Variants in SLC41A2 observed in about 807,000 individuals in gnomAD.
The protein encoded by SLC41A2 is solute carrier family 41 member 2, also known as SLC41A1-like 1.
A neutral mutation model predicts 58.3 loss-of-function variants in SLC41A2; 32 were observed. The ratio of observed to expected loss-of-function variants is 0.55; its 90% CI spans 0.41 to 0.74. The LOEUF (loss-of-function observed/expected upper bound fraction) is 0.74, where lower values mean the gene tolerates loss of function less well. Ranked by LOEUF, SLC41A2 falls within the 30% of genes least tolerant of loss-of-function variation. The pLI is 0.00. For missense variants in SLC41A2, 514 were observed against 680.6 expected (o/e 0.76, Z 2.72); for synonymous variants, 190 against 235.0 (o/e 0.81, Z 1.75).
intron 1 of SLC41A2, among the ~76,000 whole-genome samples, chr12:104,929,563 C>G (rs1017199803): frequency 6.6e-6 from 1 of 152,210 alleles, no homozygotes; most frequent in Admixed American, 6.5e-5. Context: ...GAGACACAAA[C>G]ACATAACTGT....
chr12:104,871,392 T>C (rs1201061858), intron 6 of SLC41A2, among the ~76,000 whole-genome samples: 4 of 152,188 alleles, frequency 2.6e-5, no homozygotes, highest in African/African-American at 9.6e-5. Flanking sequence ...ATCTTGTTAA[T>C]AGCTTTTAAA....
At chr12:104,825,567 C>G (rs1180584888) in intron 10 of SLC41A2, among the ~76,000 whole-genome samples, 2 of 152,200 alleles carry the variant, frequency 1.3e-5, no homozygotes, top group Non-Finnish European at 2.9e-5. Context: ...AGGGCTCCCC[C>G]TCCCAACTCT....
chr12:104,806,455 A>C (rs1321945928), intron 10 of SLC41A2, among the ~76,000 whole-genome samples: 1 of 152,132 alleles, frequency 6.6e-6, no homozygotes, highest in Admixed American at 6.5e-5. Flanking sequence ...TTCTTAATCC[A>C]GTCTATCATT....
intron 10 of SLC41A2, among the ~76,000 whole-genome samples, chr12:104,806,774 T>A (rs9668773): frequency 6.6e-6 from 1 of 151,828 alleles, no homozygotes; most frequent in African/African-American, 2.4e-5. Context: ...GTGTGAGATG[T>A]TATCTCATTG....
intron 6 of SLC41A2, among the ~76,000 whole-genome samples, chr12:104,880,634 G>A (rs1226164658): frequency 6.6e-6 from 1 of 152,202 alleles, no homozygotes; most frequent in African/African-American, 2.4e-5. Flanking sequence ...ATTTGCATAT[G>A]TTGAACCAGC....
chr12:104,839,548 G>T (rs1373461689), intron 10 of SLC41A2, among the ~76,000 whole-genome samples: 2 of 149,226 alleles, frequency 1.3e-5, no homozygotes, highest in Non-Finnish European at 3.0e-5. Flanking sequence ...CTGTCACCCA[G>T]GCTGGAGTGC....
At chr12:104,851,510 C>A (rs2042798292) in intron 8 of SLC41A2, among the ~76,000 whole-genome samples, 1 of 151,934 alleles carries the variant, frequency 6.6e-6, no homozygotes, top group South Asian at 2.1e-4. Flanking sequence ...TAGCCGCTTG[C>A]GTAGCTGGGA....
At chr12:104,817,390 T>C (rs2041454899) in intron 10 of SLC41A2, among the ~76,000 whole-genome samples, 1 of 152,226 alleles carries the variant, frequency 6.6e-6, no homozygotes, top group Non-Finnish European at 1.5e-5. Flanking sequence ...TAGGCTACAC[T>C]AAACATATAA....
chr12:104,931,278 T>C (rs745800254), intron 1 of SLC41A2, among the ~76,000 whole-genome samples: 1 of 152,264 alleles, frequency 6.6e-6, no homozygotes, highest in Non-Finnish European at 1.5e-5. Context: ...CCAATTCCTT[T>C]AGCTAATGGT....
At chr12:104,819,552 A>C (rs2041545624) in intron 10 of SLC41A2, among the ~76,000 whole-genome samples, 2 of 152,252 alleles carry the variant, frequency 1.3e-5, no homozygotes. Flanking sequence ...TCCTCTGAAA[A>C]GGCAAATAAG....
chr12:104,824,325 C>T (rs985525013), intron 10 of SLC41A2, among the ~76,000 whole-genome samples: 2 of 151,746 alleles, frequency 1.3e-5, no homozygotes, highest in East Asian at 1.9e-4. Flanking sequence ...AACATATGGG[C>T]GGCTGAACAT....
chr12:104,907,206 CTTTT>C (rs10714684), intron 3 of SLC41A2, among the ~76,000 whole-genome samples: 1 of 126,792 alleles, frequency 7.9e-6, no homozygotes, highest in African/African-American at 2.9e-5. Context: ...ATGTCCCCAT[CTTTT>C]TTTTTTTTTT....
chr12:104,935,840 TGAG>T, intron 1 of SLC41A2, among the ~76,000 whole-genome samples: 1 of 152,226 alleles, frequency 6.6e-6, no homozygotes, highest in African/African-American at 2.4e-5. Context: ...GCCAGGAGTT[TGAG>T]ACCAGCCTGG....
chr12:104,834,942 G>A (rs1447768391), intron 10 of SLC41A2, among the ~76,000 whole-genome samples: 1 of 152,092 alleles, frequency 6.6e-6, no homozygotes, highest in African/African-American at 2.4e-5. Flanking sequence ...TGACTCCAAG[G>A]AATGGAGTAA....
chr12:104,861,052 ACT>A, intron 8 of SLC41A2, among the ~76,000 whole-genome samples: 1 of 152,014 alleles, frequency 6.6e-6, no homozygotes, highest in Admixed American at 6.6e-5. Context: ...GGTATACCTG[ACT>A]CTCAAACTAG....
At chr12:104,873,358 G>A (rs73399947) in intron 6 of SLC41A2, among the ~76,000 whole-genome samples, 4,878 of 152,064 alleles carry the variant, frequency 0.032, 147 homozygotes, top group East Asian at 0.15. Context: ...TGCAAATGGC[G>A]GATTCTCCTT....
At chr12:104,894,053 T>C (rs796361465) in intron 4 of SLC41A2, among the ~76,000 whole-genome samples, 10 of 152,332 alleles carry the variant, frequency 6.6e-5, no homozygotes, top group African/African-American at 1.7e-4. Flanking sequence ...GGATATACCA[T>C]TTTAGATGAT....
chr12:104,804,527 A>G lies in SLC41A2; in HGVS notation c.*625T>C, dbSNP rs571034690. The G allele has an allele frequency of 1.3e-5, 2 of 152,372 alleles. No homozygotes were observed. Among genetic ancestry groups the G allele is most frequent in the South Asian group, 4.1e-4 (2 of 4,832 alleles). 9.4% of individuals were successfully genotyped at this position (152,372 alleles called of 1,614,324 possible). On this transcript the variant is annotated 3_prime_UTR_variant, in exon 11 of 11. Transcript: ENST00000258538. ...TCTCAAGATCACTCAATGTTTAAAG[A>G]TTAGCCTGACAAGAACTTGCAGAGC... is the stretch of plus-strand genomic sequence containing the variant.
chr12:104,843,333 T>C (rs939197517), intron 10 of SLC41A2, among the ~76,000 whole-genome samples: 1 of 151,978 alleles, frequency 6.6e-6, no homozygotes, highest in African/African-American at 2.4e-5. Flanking sequence ...AATAAATTAA[T>C]TAATTATTCG....
Sources: allele counts gnomAD v4.1 joint callset (sites outside exome capture counted in the v4.1 genomes callset), GRCh38; gene constraint gnomAD v4.1.1; transcripts MANE v1.5; gene names NCBI Gene and HGNC (gene_info 2026-07-23, HGNC 2026-07-21).